FAM184A: variants seen among roughly 807,000 people sequenced by gnomAD.
FAM184A encodes family with sequence similarity 184 member A.
A neutral mutation model predicts 143.8 loss-of-function variants in FAM184A; 99 were observed. The observed-to-expected ratio is 0.69, with a 90% CI of 0.58 to 0.81. FAM184A has a LOEUF of 0.81. FAM184A is among the 40% of genes least tolerant of loss of function. The probability of loss-of-function intolerance (pLI) is 0.00; values close to 1 mark genes in which losing one functional copy is unlikely to be tolerated. For synonymous variants in FAM184A, 427 were observed against 446.4 expected (o/e 0.96, Z 0.55); for missense variants, 1,217 against 1,310.5 (o/e 0.93, Z 1.10).
At chr6:119,039,236 C>A (rs1054213827) in intron 1 of FAM184A, among the ~76,000 whole-genome samples, 8 of 152,184 alleles carry the variant, frequency 5.3e-5, no homozygotes, top group African/African-American at 1.9e-4. Context: ...GATAGTTGAG[C>A]GGTTTCTTAT....
At chr6:119,137,775 C>CT (rs1428258589) in intron 1 of FAM184A, among the ~76,000 whole-genome samples, 1 of 152,210 alleles carries the variant, frequency 6.6e-6, no homozygotes, top group East Asian at 1.9e-4. Flanking sequence ...CCAAGAAACC[C>CT]TGTCCTCAGA....
chr6:119,088,806 CT>C (rs1210696340), intron 1 of FAM184A, among the ~76,000 whole-genome samples: 2 of 152,266 alleles, frequency 1.3e-5, no homozygotes, highest in South Asian at 2.1e-4. Flanking sequence ...ATCATACTAG[CT>C]TTTTGTAAGA....
intron 9 of FAM184A, among the ~76,000 whole-genome samples, chr6:118,996,450 T>C (rs1784549333): frequency 6.6e-6 from 1 of 152,240 alleles, no homozygotes; most frequent in African/African-American, 2.4e-5. Context: ...AATTAGGTCA[T>C]GCCAGCTATT....
chr6:119,099,633 C>G (rs769926226), intron 1 of FAM184A, among the ~76,000 whole-genome samples: 1 of 152,262 alleles, frequency 6.6e-6, no homozygotes, highest in East Asian at 1.9e-4. Flanking sequence ...GGATCATACA[C>G]TTTTTGCCCA....
chr6:118,961,954 T>A lies in FAM184A; in HGVS notation c.3148A>T (p.Lys1050Ter), dbSNP rs1783341082. Residue 1050 changes from lysine to a stop codon, truncating the protein, a stop_gained, in exon 17 of 18, where the codon AAG becomes TAG. Coordinates refer to ENST00000338891, the MANE Select transcript of FAM184A (RefSeq NM_024581.6). LOFTEE classifies it high-confidence loss of function. ...VINPLAKQKK[K>*]NDKSPTNRFV... ...CTGTTTGTTGGTGATTTATCATTCTTCTTCTTTTGCTGCATTAAAAATAAT... is the reference window on the plus strand; with the variant it reads ...CTGTTTGTTGGTGATTTATCATTCTACTTCTTTTGCTGCATTAAAAATAAT... 6.2e-7 allele frequency: 1 copy of A among 1,613,830 alleles called. No homozygotes were observed. The highest frequency in any genetic ancestry group is 8.5e-7 in the Non-Finnish European group (1 of 1,179,750).
At chr6:119,099,088 C>T (rs1788579052) in intron 1 of FAM184A, among the ~76,000 whole-genome samples, 1 of 152,108 alleles carries the variant, frequency 6.6e-6, no homozygotes. Context: ...CCAGCCTAGG[C>T]AACAAGAGCA....
chr6:118,964,107 T>C (rs1295112000), intron 16 of FAM184A, among the ~76,000 whole-genome samples: 2 of 152,140 alleles, frequency 1.3e-5, no homozygotes, highest in Non-Finnish European at 2.9e-5. Flanking sequence ...GGAGGATCGC[T>C]TGAGCCCAAG....
intron 1 of FAM184A, among the ~76,000 whole-genome samples, chr6:119,117,790 T>A (rs1413366647): frequency 6.6e-6 from 1 of 152,138 alleles, no homozygotes; most frequent in Non-Finnish European, 1.5e-5. Flanking sequence ...ATTTAATTGG[T>A]TGAGGATTTG....
rs1787935881 is a variant in FAM184A at position 119,078,063 on chromosome 6, C to T, written c.159+78G>A. 6.7e-7 allele frequency: 1 copy of T among 1,483,192 alleles called. No individual in the cohort carries two copies. The highest frequency in any genetic ancestry group is 2.1e-5 in the Admixed American group (1 of 47,456). 91.9% of individuals were successfully genotyped at this position (1,483,192 alleles called of 1,614,324 possible). ...TTCCCCTCGCTGCGGGCGCAGGGCG[C>T]ACTGCCTCCCGGGGAGACAGGTGAG... On this transcript the variant is annotated intron_variant, in intron 1 of 17. Coordinates refer to ENST00000338891, the MANE Select transcript of FAM184A (RefSeq NM_024581.6). The surrounding 1 kb of genome is among the most constrained non-coding windows in gnomAD (Gnocchi z 5.5).
chr6:119,067,510 G>C (rs1299456804), intron 1 of FAM184A, among the ~76,000 whole-genome samples: 1 of 152,154 alleles, frequency 6.6e-6, no homozygotes, highest in Non-Finnish European at 1.5e-5. Flanking sequence ...TAACACTCAA[G>C]GTGTGCTAAA....
rs1788711752 is a variant in FAM184A, at chr6:119,103,977, AT to A, written c.-202+45100del. ...GGAATGTTCATTCTTTACTCTGGTA[AT>A]AATGTATTGTGCCATATTTTGGAAA... is the stretch of plus-strand genomic sequence containing the variant. On this transcript the variant is annotated intron_variant, in intron 1 of 16. Transcript: ENST00000352896. 1.5e-4 allele frequency among the ~76,000 whole-genome samples: 22 copies of A among 151,614 alleles called. No individual in the cohort carries two copies. The South Asian group carries it at 4.6e-3, about 32-fold the overall frequency.
chr6:119,016,839 A>C lies in FAM184A; in HGVS notation c.1438T>G (p.Ser480Ala), dbSNP rs1031320867. Residue 480 changes from serine (S) to alanine (A), a missense_variant, in exon 5 of 18, where the codon TCT becomes GCT. Ser to Ala is a moderately conservative substitution (Grantham distance 99, BLOSUM62 1). Coordinates refer to ENST00000338891, the MANE Select transcript of FAM184A (RefSeq NM_024581.6). ...CAAGCTAATTCTTCCAAAGTCTTAG[A>C]ATGGGCCTCGTTTAATTGAGTCACC... is the stretch of plus-strand genomic sequence containing the variant. ...EEVTQLNEAH[S>A]KTLEELAWKH... 3 of 1,614,116 alleles carry C rather than the reference A, an allele frequency of 1.9e-6. No homozygotes were observed. Among genetic ancestry groups the C allele is most frequent in the Non-Finnish European group, 2.5e-6 (3 of 1,179,974 alleles).
chr6:119,101,375 A>G (rs1042239306), intron 1 of FAM184A, among the ~76,000 whole-genome samples: 2 of 152,076 alleles, frequency 1.3e-5, no homozygotes. Flanking sequence ...CCCAGCCACA[A>G]TGCACTTTCA....
Position 118,976,047 on chromosome 6 carries a change from G to A in FAM184A, c.2456-3C>T. 1.9e-6 allele frequency: 3 copies of A among 1,606,032 alleles called. No individual in the cohort carries two copies. The highest frequency in any genetic ancestry group is 1.7e-5 in the Admixed American group (1 of 58,556). On this transcript the variant is annotated splice_region_variant and splice_polypyrimidine_tract_variant and intron_variant, in intron 11 of 17. Transcript: ENST00000338891. Reference sequence around the variant, plus strand: ...GTTGAGTTCTGAGCGCAAGGAAGCTGGAATTGCAAGGCAAAAATACATTTG... The same window carrying A: ...GTTGAGTTCTGAGCGCAAGGAAGCTAGAATTGCAAGGCAAAAATACATTTG...
rs759807101 is a variant in FAM184A, at chr6:119,022,900, T to C, written c.1150+45A>G. On this transcript the variant is annotated intron_variant, in intron 3 of 17. Transcript: ENST00000338891. ...TCCAAAAAAATAAATAAATAAAGTG[T>C]TGATTTTAGCTAAGCATTACATCAA... The C allele has an allele frequency of 1.9e-5, 31 of 1,608,542 alleles. No individual in the cohort carries two copies. The Admixed American group carries it at 4.2e-4, about 22-fold the overall frequency.
At chr6:119,043,840 T>C (rs923629213) in intron 1 of FAM184A, among the ~76,000 whole-genome samples, 2 of 152,240 alleles carry the variant, frequency 1.3e-5, no homozygotes, top group African/African-American at 2.4e-5. Flanking sequence ...TTTTCATTTA[T>C]GTATTGTCTA....
At chr6:119,110,011 C>T (rs754546759) in intron 1 of FAM184A, among the ~76,000 whole-genome samples, 1 of 152,146 alleles carries the variant, frequency 6.6e-6, no homozygotes, top group Non-Finnish European at 1.5e-5. Context: ...ACTATCTATC[C>T]ATCTCACCTG....
At chr6:119,119,869 G>T (rs1789165137) in intron 1 of FAM184A, among the ~76,000 whole-genome samples, 1 of 152,108 alleles carries the variant, frequency 6.6e-6, no homozygotes, top group Non-Finnish European at 1.5e-5. Flanking sequence ...GTTTATGCCT[G>T]TAGTCCCAGG....
chr6:119,091,844 T>C (rs1339207780), intron 1 of FAM184A, among the ~76,000 whole-genome samples: 3 of 152,174 alleles, frequency 2.0e-5, no homozygotes, highest in Non-Finnish European at 4.4e-5. Context: ...AGTCAGAACT[T>C]TGTAGATACA....
Sources: allele counts gnomAD v4.1 joint callset (sites outside exome capture counted in the v4.1 genomes callset), GRCh38; gene constraint gnomAD v4.1.1; non-coding constraint Gnocchi (gnomAD v3.1); transcripts MANE v1.5; gene names NCBI Gene and HGNC (gene_info 2026-07-23, HGNC 2026-07-21).